SORCS1: variants seen among roughly 807,000 people sequenced by gnomAD.
SORCS1 encodes VPS10 domain-containing receptor SorCS1.
SORCS1 carries 60 observed loss-of-function variants against 146.1 expected under a neutral mutation model. That is an observed-to-expected ratio of 0.41 (90% CI 0.33 to 0.51). The LOEUF is 0.51. SORCS1 is among the 20% of genes least tolerant of loss of function. SORCS1 has a pLI of 0.21. For missense variants in SORCS1, 1,352 were observed against 1,487.6 expected (o/e 0.91, Z 1.50); for synonymous variants, 637 against 584.0 (o/e 1.09, Z -1.31).
At chr10:106,738,342 A>T (rs1857114522) in intron 5 of SORCS1, among the ~76,000 whole-genome samples, 1 of 152,248 alleles carries the variant, frequency 6.6e-6, no homozygotes, top group African/African-American at 2.4e-5. Flanking sequence ...AGTAAATGTG[A>T]GCAAATCACA....
the SORCS1 span, among the ~76,000 whole-genome samples, chr10:107,180,058 A>G: frequency 6.6e-6 from 1 of 151,828 alleles, no homozygotes; most frequent in African/African-American, 2.4e-5. Context: ...CTGGGACTAC[A>G]GATGTCTGCC....
intron 1 of SORCS1, among the ~76,000 whole-genome samples, chr10:107,067,186 T>C (rs1961953226): frequency 6.6e-6 from 1 of 152,172 alleles, no homozygotes; most frequent in Non-Finnish European, 1.5e-5. Context: ...ACTCACCTGC[T>C]CTCTAAATGT....
chr10:107,135,006 G>T (rs1967164155), intron 1 of SORCS1, among the ~76,000 whole-genome samples: 1 of 152,144 alleles, frequency 6.6e-6, no homozygotes, highest in African/African-American at 2.4e-5. Context: ...ACTCCATGTG[G>T]GTGAGGATCT....
intron 5 of SORCS1, among the ~76,000 whole-genome samples, chr10:106,731,720 A>G (rs1426514282): frequency 6.6e-6 from 1 of 152,198 alleles, no homozygotes; most frequent in Non-Finnish European, 1.5e-5. Flanking sequence ...AGACACACAC[A>G]CAACACACAA....
Position 107,125,599 on chromosome 10 carries a change from G to A in SORCS1, c.558+38370C>T, listed in dbSNP as rs891562010. Among the ~76,000 whole-genome samples the A allele has an allele frequency of 2.6e-5, 4 of 152,336 alleles. No homozygotes were observed. The South Asian group carries it at 6.2e-4, about 24-fold the overall frequency. ...AAATCTCTGAAAGTGTGGCTTTTGG[G>A]ACTGCATCAGAAGGCTGGGAAGCAA... is the stretch of plus-strand genomic sequence containing the variant. On this transcript the variant is annotated intron_variant, in intron 1 of 25. Transcript: ENST00000263054.
chr10:106,645,904 T>A (rs867106379), intron 18 of SORCS1, among the ~76,000 whole-genome samples: 2 of 152,130 alleles, frequency 1.3e-5, no homozygotes, highest in South Asian at 2.1e-4. Context: ...AGGACTTAAT[T>A]TTTTATTTTT....
intron 25 of SORCS1, 156 bp from the exon 26 acceptor site, chr10:106,577,711 G>A (rs1472891226): frequency 3.6e-6 from 5 of 1,395,762 alleles, no homozygotes; most frequent in Middle Eastern, 2.6e-4. Flanking sequence ...ACGGAAATGC[G>A]ACTGAGAACC....
intron 17 of SORCS1, among the ~76,000 whole-genome samples, chr10:106,660,514 C>T (rs1158267576): frequency 6.6e-6 from 1 of 152,164 alleles, no homozygotes. Flanking sequence ...TCTTTTAAAA[C>T]ATTCCAAATG....
At chr10:106,996,109 C>T (rs559740944) in intron 1 of SORCS1, among the ~76,000 whole-genome samples, 1 of 151,820 alleles carries the variant, frequency 6.6e-6, no homozygotes, top group South Asian at 2.1e-4. Flanking sequence ...GCATGGTGGC[C>T]TGTAATCCTA....
chr10:106,908,930 T>C (rs1952026110), intron 2 of SORCS1, among the ~76,000 whole-genome samples: 1 of 152,172 alleles, frequency 6.6e-6, no homozygotes, highest in Non-Finnish European at 1.5e-5. Flanking sequence ...GTCCATTTAC[T>C]CCATTATTTT....
At chr10:106,834,228 C>T (rs941240118) in intron 2 of SORCS1, among the ~76,000 whole-genome samples, 64 of 152,248 alleles carry the variant, frequency 4.2e-4, no homozygotes, top group African/African-American at 1.4e-3. Flanking sequence ...ATGCTTTTTG[C>T]CCAACAAAGA....
intron 2 of SORCS1, among the ~76,000 whole-genome samples, chr10:106,851,563 T>C (rs914566432): frequency 2.0e-5 from 3 of 152,242 alleles, no homozygotes; most frequent in African/African-American, 7.2e-5. Flanking sequence ...TTGATCTATG[T>C]ATCTGTTCCT....
intron 2 of SORCS1, among the ~76,000 whole-genome samples, chr10:106,891,167 C>T (rs1418090081): frequency 2.0e-5 from 3 of 152,156 alleles, no homozygotes; most frequent in Middle Eastern, 3.4e-3. Context: ...TGCTAAGAAA[C>T]AGAATATTAT....
rs150388149 is a variant in SORCS1, at chr10:107,091,000, G to C, written c.558+72969C>G. Among the ~76,000 whole-genome samples, 264 of 152,272 alleles carry C rather than the reference G, an allele frequency of 1.7e-3. 2 individuals are homozygous for C. The highest frequency in any genetic ancestry group is 5.5e-3 in the African/African-American group (229 of 41,560). On this transcript the variant is annotated intron_variant, in intron 1 of 25. Coordinates refer to ENST00000263054, the MANE Select transcript of SORCS1 (RefSeq NM_052918.5). ...AAAAGATAGCCAGTGACCTAGAAGA[G>C]AGTAAACACATGGGAAAGAAAAGCT...
At chr10:107,043,266 C>T (rs1312969955) in intron 1 of SORCS1, among the ~76,000 whole-genome samples, 3 of 152,112 alleles carry the variant, frequency 2.0e-5, no homozygotes, top group Non-Finnish European at 4.4e-5. Flanking sequence ...CCCCGTTTTG[C>T]CCCATGTCTT....
chr10:107,043,462 T>C (rs1959188259), intron 1 of SORCS1, among the ~76,000 whole-genome samples: 1 of 152,186 alleles, frequency 6.6e-6, no homozygotes, highest in South Asian at 2.1e-4. Flanking sequence ...AAACAGGCAA[T>C]AACTGCATTG....
intron 1 of SORCS1, among the ~76,000 whole-genome samples, chr10:106,973,152 A>T (rs542216389): frequency 6.6e-6 from 1 of 152,338 alleles, no homozygotes; most frequent in Admixed American, 6.5e-5. Flanking sequence ...ATTTACAACA[A>T]GACCATCTGT....
intron 2 of SORCS1, among the ~76,000 whole-genome samples, chr10:106,947,265 C>T (rs1478745996): frequency 6.6e-6 from 1 of 152,142 alleles, no homozygotes; most frequent in Non-Finnish European, 1.5e-5. Flanking sequence ...AATACAAATG[C>T]ATTCATTTTT....
chr10:106,675,789 G>A (rs964721075), intron 13 of SORCS1, among the ~76,000 whole-genome samples: 1 of 152,176 alleles, frequency 6.6e-6, no homozygotes, highest in Non-Finnish European at 1.5e-5. Flanking sequence ...CTTGGGAGGT[G>A]ATTAGATCCT....
Sources: gnomAD v4.1 joint callset for allele counts (sites outside exome capture counted in the v4.1 genomes callset) on GRCh38, gnomAD v4.1.1 for gene constraint, MANE v1.5 for transcripts, NCBI Gene and HGNC (gene_info 2026-07-23, HGNC 2026-07-21) for gene names.